The following GRID2 variants were observed in gnomAD, a reference collection of about 807,000 sequenced individuals.
The protein encoded by GRID2 is glutamate receptor ionotropic, delta-2.
A neutral mutation model predicts 114.8 loss-of-function variants in GRID2; 33 were observed. That is an observed-to-expected ratio of 0.29 (90% CI 0.22 to 0.38). GRID2 has a LOEUF of 0.38. Among genes scored for constraint, GRID2 ranks in the 10% least tolerant of loss-of-function variants. The pLI is 1.00. For missense variants in GRID2, 1,184 were observed against 1,257.7 expected, an observed-to-expected ratio of 0.94 and a Z score of 0.89; for synonymous variants, 505 against 449.9, an observed-to-expected ratio of 1.12 and a Z score of -1.55.
At chr4:93,616,739 A>G (rs936669186) in intron 13 of GRID2, among the ~76,000 whole-genome samples, 7 of 151,626 alleles carry the variant, frequency 4.6e-5, no homozygotes, top group African/African-American at 1.7e-4. Flanking sequence ...CTTTTGCTTT[A>G]TGTTTTCTGC....
chr4:92,347,429 T>A (rs754876462), intron 1 of GRID2, among the ~76,000 whole-genome samples: 1 of 152,188 alleles, frequency 6.6e-6, no homozygotes, highest in Non-Finnish European at 1.5e-5. Flanking sequence ...CATATATGCC[T>A]AATCAATATT....
At chr4:92,314,625 C>T (rs565875445) in intron 1 of GRID2, among the ~76,000 whole-genome samples, 27 of 152,248 alleles carry the variant, frequency 1.8e-4, no homozygotes, top group African/African-American at 6.5e-4. Flanking sequence ...CACCTGACCT[C>T]ATGTGGTGGA....
At chr4:93,286,866 A>G (rs1753225495) in intron 8 of GRID2, among the ~76,000 whole-genome samples, 1 of 152,158 alleles carries the variant, frequency 6.6e-6, no homozygotes, top group African/African-American at 2.4e-5. Context: ...GAAGTTCAGC[A>G]TTCTTCTGAA....
At position 92,730,417 on chromosome 4, in the gene GRID2, G is replaced by A. The variant is rs145183164; in HGVS notation, c.244+140131G>A. Reference sequence around the variant, plus strand: ...GATTTTGTTTTCCCCACCAGGAATGGCATGTTACTGGATTCATCTTCCACT... The same window carrying A: ...GATTTTGTTTTCCCCACCAGGAATGACATGTTACTGGATTCATCTTCCACT... On this transcript the variant is annotated intron_variant, in intron 2 of 15. Coordinates refer to ENST00000282020, the MANE Select transcript of GRID2 (RefSeq NM_001510.4). 4.9e-3 allele frequency among the ~76,000 whole-genome samples: 740 copies of A among 151,980 alleles called. 3 individuals are homozygous for A. Among genetic ancestry groups the A allele is most frequent in the African/African-American group, 0.017 (710 of 41,504 alleles).
intron 2 of GRID2, among the ~76,000 whole-genome samples, chr4:92,897,174 TTA>T (rs1425884617): frequency 6.6e-6 from 1 of 152,138 alleles, no homozygotes; most frequent in Non-Finnish European, 1.5e-5. Context: ...TGGTATTAAA[TTA>T]TATTATTTTA....
At chr4:93,145,090 G>A (rs1736088910) in intron 4 of GRID2, among the ~76,000 whole-genome samples, 1 of 151,998 alleles carries the variant, frequency 6.6e-6, no homozygotes, top group African/African-American at 2.4e-5. Flanking sequence ...TTTTTACCTG[G>A]CTGGCTCCTT....
At chr4:92,666,613 A>G (rs981636392) in intron 2 of GRID2, among the ~76,000 whole-genome samples, 1 of 126,554 alleles carries the variant, frequency 7.9e-6, no homozygotes. Context: ...GGCTATCTCT[A>G]TGCCAAGGAT....
At chr4:92,627,366 A>G (rs756934797) in intron 2 of GRID2, among the ~76,000 whole-genome samples, 13 of 152,114 alleles carry the variant, frequency 8.5e-5, no homozygotes, top group Non-Finnish European at 1.9e-4. Flanking sequence ...GTGATGTGCT[A>G]ATTAATGTTG....
intron 4 of GRID2, among the ~76,000 whole-genome samples, chr4:93,160,095 A>G (rs1434619558): frequency 1.8e-4 from 28 of 151,786 alleles, no homozygotes. Flanking sequence ...ACATATTTTC[A>G]CAGTTAAACA....
At chr4:92,714,578 G>T (rs1289378662) in intron 2 of GRID2, among the ~76,000 whole-genome samples, 1 of 152,168 alleles carries the variant, frequency 6.6e-6, no homozygotes, top group South Asian at 2.1e-4. Flanking sequence ...ACAAACTTCT[G>T]CCTAGACATC....
intron 8 of GRID2, among the ~76,000 whole-genome samples, chr4:93,257,978 GTATATATATATA>G (rs72080884): frequency 4.3e-5 from 6 of 139,038 alleles, no homozygotes; most frequent in Non-Finnish European, 7.7e-5. Context: ...ATATGTGTGT[GTATATATATATA>G]TATATATATA....
intron 13 of GRID2, among the ~76,000 whole-genome samples, chr4:93,578,587 A>ATTTTTTTTTTTTTTTTTTTTTTTT (rs59397408): frequency 3.6e-5 from 3 of 83,924 alleles, no homozygotes; most frequent in African/African-American, 1.6e-4. Context: ...TGTTTTTTGT[A>ATTTTTTTTTTTTTTTTTTTTTTTT]TTTTTTTTTT....
At chr4:93,777,882 G>A (rs1734397881), downstream of GRID2, among the ~76,000 whole-genome samples, 1 of 152,138 alleles carries the variant, frequency 6.6e-6, no homozygotes, top group South Asian at 2.1e-4. Context: ...TTATTAAATT[G>A]CTGCTACTGA....
At chr4:93,331,136 C>T (rs1461832377) in intron 8 of GRID2, among the ~76,000 whole-genome samples, 5 of 147,066 alleles carry the variant, frequency 3.4e-5, no homozygotes, top group Non-Finnish European at 7.5e-5. Context: ...ACCCCCCCCC[C>T]ATTTCACTCA....
At chr4:92,368,069 G>A (rs550439345) in intron 1 of GRID2, among the ~76,000 whole-genome samples, 4 of 152,208 alleles carry the variant, frequency 2.6e-5, no homozygotes, top group East Asian at 3.9e-4. Flanking sequence ...AAGTGAAATG[G>A]GCTAGAACAT....
chr4:93,707,207 C>G (rs80119024), intron 14 of GRID2, among the ~76,000 whole-genome samples: 1 of 152,008 alleles, frequency 6.6e-6, no homozygotes, highest in African/African-American at 2.4e-5. Flanking sequence ...CAGGGTAATA[C>G]TGGTCTCATA....
At chr4:93,432,856 G>A (rs908123584) in intron 10 of GRID2, among the ~76,000 whole-genome samples, 3 of 152,090 alleles carry the variant, frequency 2.0e-5, no homozygotes, top group African/African-American at 4.8e-5. Flanking sequence ...GAGGCCAGGA[G>A]TTTGACACCA....
intron 1 of GRID2, among the ~76,000 whole-genome samples, chr4:92,324,007 T>C (rs1513467): frequency 0.066 from 9,993 of 152,078 alleles, 371 homozygotes; most frequent in Middle Eastern, 0.14. Context: ...ATGTAGAATT[T>C]GTTAATTGTT....
Position 93,788,987 on chromosome 4 carries a change from T to C in GRID2, c.222-17728T>C, listed in dbSNP as rs550610880. ...ACACAATGGAACAACAAATCATTTT[T>C]TTATTATCCTGTATCTGTGTCTTTA... On this transcript the variant is annotated intron_variant, in intron 1 of 1. Coordinates refer to the GRID2 transcript ENST00000637838. Among the ~76,000 whole-genome samples the C allele has an allele frequency of 1.2e-3, 186 of 152,336 alleles. 1 individual carries two copies. Among genetic ancestry groups the C allele is most frequent in the African/African-American group, 3.8e-3 (157 of 41,582 alleles).
Sources: allele counts gnomAD v4.1 joint callset (sites outside exome capture counted in the v4.1 genomes callset), GRCh38; gene constraint gnomAD v4.1.1; transcripts MANE v1.5; gene names NCBI Gene and HGNC (gene_info 2026-07-23, HGNC 2026-07-21).